Variants in SLC9A9 observed in about 807,000 individuals in gnomAD.
SLC9A9 encodes solute carrier family 9 member A9, also known as sodium/hydrogen exchanger 9.
Under a neutral mutation model 77.8 loss-of-function variants are expected in SLC9A9, and 62 were observed. That is an observed-to-expected ratio of 0.80 (90% CI 0.65 to 0.98). The LOEUF (loss-of-function observed/expected upper bound fraction) is 0.98, where lower values mean the gene tolerates loss of function less well. Ranked by LOEUF, SLC9A9 falls within the 50% of genes least tolerant of loss-of-function variation. SLC9A9 has a pLI of 0.00. For missense variants in SLC9A9, 775 were observed against 774.9 expected (o/e 1.00, Z 0.00); for synonymous variants, 320 against 283.5 (o/e 1.13, Z -1.29).
chr3:143,706,910 A>G (rs565389869), intron 4 of SLC9A9, among the ~76,000 whole-genome samples: 1 of 152,290 alleles, frequency 6.6e-6, no homozygotes, highest in African/African-American at 2.4e-5. Flanking sequence ...GGAAGCCAAA[A>G]GATTGGATAC....
chr3:143,728,664 C>T (rs1404697278), intron 4 of SLC9A9, among the ~76,000 whole-genome samples: 1 of 151,948 alleles, frequency 6.6e-6, no homozygotes, highest in Non-Finnish European at 1.5e-5. Flanking sequence ...CGAAGGAGAC[C>T]ATTGCCGTAT....
At chr3:143,804,792 T>C (rs554443683) in intron 2 of SLC9A9, among the ~76,000 whole-genome samples, 20 of 152,286 alleles carry the variant, frequency 1.3e-4, no homozygotes, top group Admixed American at 2.6e-4. Context: ...CTCTAGGTAC[T>C]GGAATAGCAG....
At chr3:143,809,911 A>T (rs1342666821) in intron 2 of SLC9A9, among the ~76,000 whole-genome samples, 2 of 152,178 alleles carry the variant, frequency 1.3e-5, no homozygotes, top group Non-Finnish European at 2.9e-5. Flanking sequence ...ACATTTATAG[A>T]TGGTTACTAG....
At chr3:143,562,336 C>A (rs1390310546) in intron 8 of SLC9A9, among the ~76,000 whole-genome samples, 1 of 151,978 alleles carries the variant, frequency 6.6e-6, no homozygotes, top group African/African-American at 2.4e-5. Flanking sequence ...GCATTTGGGT[C>A]TTGAGAGATG....
intron 8 of SLC9A9, among the ~76,000 whole-genome samples, chr3:143,552,727 G>C (rs1049105199): frequency 1.3e-5 from 2 of 152,252 alleles, no homozygotes; most frequent in East Asian, 3.9e-4. Context: ...CCCTGTTCAT[G>C]AGCTAGAAAA....
intron 6 of SLC9A9, among the ~76,000 whole-genome samples, chr3:143,623,836 T>C (rs940836194): frequency 7.9e-5 from 12 of 152,098 alleles, no homozygotes; most frequent in African/African-American, 2.9e-4. Flanking sequence ...GCTAGTTTTT[T>C]GAAAAGATCA....
In SLC9A9 at chr3:143,796,867, G is replaced by A. The variant is rs1481382509; in HGVS notation, c.415C>T (p.Leu139=). The change falls in exon 3 of 16, where the codon CTG becomes TTG. Residue 139 remains leucine, a synonymous_variant. Coordinates refer to ENST00000316549, the MANE Select transcript of SLC9A9 (RefSeq NM_173653.4). ...FDPEIFFNVL[L]PPIIFHAGYS... ...CCTGCATGAAATATAATTGGTGGCA[G>A]TAAAACATTGAAGAAGATTTCTGGA... 8.7e-6 allele frequency: 14 copies of A among 1,611,832 alleles called. No individual in the cohort carries two copies. Among genetic ancestry groups the A allele is most frequent in the Non-Finnish European group, 1.2e-5 (14 of 1,178,568 alleles).
intron 6 of SLC9A9, among the ~76,000 whole-genome samples, chr3:143,594,002 G>T (rs2108680774): frequency 6.6e-6 from 1 of 152,248 alleles, no homozygotes; most frequent in East Asian, 1.9e-4. Flanking sequence ...CAGCCAGTCT[G>T]TGTTGGTGGC....
intron 8 of SLC9A9, among the ~76,000 whole-genome samples, chr3:143,560,735 A>T (rs1247853443): frequency 6.6e-6 from 1 of 152,004 alleles, no homozygotes; most frequent in African/African-American, 2.4e-5. Context: ...CCTTCAAAAA[A>T]AAAAGGAAAC....
intron 14 of SLC9A9, among the ~76,000 whole-genome samples, chr3:143,332,766 G>A (rs535604383): frequency 1.3e-5 from 2 of 152,158 alleles, no homozygotes; most frequent in African/African-American, 4.8e-5. Flanking sequence ...TTGGAGAGGC[G>A]AGTGGATGAC....
intron 11 of SLC9A9, among the ~76,000 whole-genome samples, chr3:143,470,987 G>C (rs1576519554): frequency 6.6e-6 from 1 of 152,226 alleles, no homozygotes; most frequent in African/African-American, 2.4e-5. Context: ...GAAACAAATG[G>C]AAAAGTACAG....
chr3:143,320,353 G>C (rs2031375050), intron 14 of SLC9A9, among the ~76,000 whole-genome samples: 2 of 152,224 alleles, frequency 1.3e-5, no homozygotes, highest in Admixed American at 1.3e-4. Flanking sequence ...CATATCCAAA[G>C]CATTGTGGGT....
At chr3:143,391,500 A>G (rs2033565085) in intron 12 of SLC9A9, among the ~76,000 whole-genome samples, 1 of 152,234 alleles carries the variant, frequency 6.6e-6, no homozygotes, top group African/African-American at 2.4e-5. Context: ...AAAGATGGGG[A>G]AAAAACAGAG....
In SLC9A9 at chr3:143,396,045, T is replaced by A. The variant is rs185225016; in HGVS notation, c.1470-13931A>T. ...CCGTTGTGGAAGTCAGTGTGGCGAT[T>A]CCTCAGGGATCTAGAACTAGAAATA... On this transcript the variant is annotated intron_variant, in intron 12 of 15. Transcript: ENST00000316549. 7.2e-4 allele frequency among the ~76,000 whole-genome samples: 109 copies of A among 152,314 alleles called. 2 individuals carry two copies. The highest frequency in any genetic ancestry group is 2.0e-3 in the Admixed American group (30 of 15,294).
At chr3:143,289,280 G>A (rs531521514) in intron 14 of SLC9A9, among the ~76,000 whole-genome samples, 6 of 152,262 alleles carry the variant, frequency 3.9e-5, no homozygotes, top group South Asian at 4.1e-4. Flanking sequence ...GTGATTCATC[G>A]TGCCAGTAAC....
At chr3:143,315,460 A>G (rs749142939) in intron 14 of SLC9A9, among the ~76,000 whole-genome samples, 1 of 152,230 alleles carries the variant, frequency 6.6e-6, no homozygotes, top group Non-Finnish European at 1.5e-5. Context: ...ACTATGTGGC[A>G]TGACCAAACA....
Position 143,389,399 on chromosome 3 carries a change from G to A in SLC9A9, c.1470-7285C>T, listed in dbSNP as rs1003434365. 1.2e-4 allele frequency among the ~76,000 whole-genome samples: 18 copies of A among 152,160 alleles called. No homozygotes were observed. In the South Asian group the frequency reaches 1.7e-3, roughly 14 times the overall value. On this transcript the variant is annotated intron_variant, in intron 12 of 15. Transcript: ENST00000316549. ...GATTTCAGAGATATATACATGAAGC[G>A]GTGGTGAGGGCCATTGTGCAGGACA...
At chr3:143,762,629 T>C (rs1386750931) in intron 4 of SLC9A9, among the ~76,000 whole-genome samples, 1 of 152,160 alleles carries the variant, frequency 6.6e-6, no homozygotes, top group Non-Finnish European at 1.5e-5. Flanking sequence ...CCTAGAATTA[T>C]TTTCTCAAGT....
intron 2 of SLC9A9, chr3:143,811,751 A>T (rs865915061): frequency 6.6e-6 from 3 of 454,106 alleles, no homozygotes; most frequent in Middle Eastern, 4.3e-4. Flanking sequence ...AATCCCAGCT[A>T]CTCTGGAGTC....
Sources: gnomAD v4.1 joint callset for allele counts (sites outside exome capture counted in the v4.1 genomes callset) on GRCh38, gnomAD v4.1.1 for gene constraint, MANE v1.5 for transcripts, NCBI Gene and HGNC (gene_info 2026-07-23, HGNC 2026-07-21) for gene names.